DERL1: variants seen among roughly 807,000 people sequenced by gnomAD.
DERL1 encodes derlin-1.
In DERL1, 24 loss-of-function variants were observed where a neutral mutation model predicts 41.6. The ratio of observed to expected loss-of-function variants is 0.58; its 90% confidence interval spans 0.42 to 0.81. The LOEUF (loss-of-function observed/expected upper bound fraction) is 0.81. DERL1 is among the 30% of genes least tolerant of loss of function. DERL1 has a pLI of 0.00. For missense variants in DERL1, 260 were observed against 314.3 expected, an observed-to-expected ratio of 0.83 and a Z score of 1.31; for synonymous variants, 124 against 112.5, an observed-to-expected ratio of 1.10 and a Z score of -0.65.
At chr8:123,033,548 A>C (rs1315164665) in intron 1 of DERL1, among the ~76,000 whole-genome samples, 1 of 152,140 alleles carries the variant, frequency 6.6e-6, no homozygotes, top group African/African-American at 2.4e-5. Context: ...GTTCGAGACC[A>C]GGCTGACCAA....
Position 123,042,264 on chromosome 8 carries a change from C to A in DERL1, c.-142G>T. 1 of 1,154,388 alleles carries A rather than the reference C, an allele frequency of 8.7e-7. No individual in the cohort carries two copies. Among genetic ancestry groups the A allele is most frequent in the Non-Finnish European group, 1.2e-6 (1 of 866,274 alleles). The allele number at this position is 1,154,388 out of a possible 1,614,324, so 71.5% of individuals were successfully genotyped here. A position where few individuals can be genotyped will look rare whatever the true frequency, so the allele number is the denominator to read the frequency against. On this transcript the variant is annotated 5_prime_UTR_variant, in exon 1 of 8. Coordinates refer to ENST00000259512, the MANE Select transcript of DERL1 (RefSeq NM_024295.6). ...GATGCAGAAGGCGGAGACGGGCGGA[C>A]GTGGCGCCACCGAATTCGGACCAGC...
chr8:123,022,590 C>A, intron 5 of DERL1, 94 bp downstream of exon 5: 1 of 1,188,736 alleles, frequency 8.4e-7, no homozygotes, highest in Non-Finnish European at 1.3e-6. Flanking sequence ...TCTGCAGTGA[C>A]CCCTTCTGGA....
intron 2 of DERL1, among the ~76,000 whole-genome samples, chr8:123,026,805 G>A (rs1223603662): frequency 6.6e-6 from 1 of 150,488 alleles, no homozygotes; most frequent in East Asian, 1.9e-4. Flanking sequence ...ATCAACTGAT[G>A]ACTGAATAAA....
At chr8:123,036,657 ACAG>A (rs1261308018) in intron 1 of DERL1, among the ~76,000 whole-genome samples, 11 of 152,356 alleles carry the variant, frequency 7.2e-5, no homozygotes, top group African/African-American at 2.6e-4. Flanking sequence ...ATTACAGAAC[ACAG>A]CAGAACTGTT....
rs1586460943 is a variant in DERL1, at chr8:123,022,626, T to C, written c.453+58A>G. On this transcript the variant is annotated intron_variant, in intron 5 of 7. Transcript: ENST00000259512. ...TGAGTCAGAAAGTACATCTCTGGAC[T>C]GAAGAGGGATTTCTGCAGACAAATG... 3.7e-5 allele frequency: 56 copies of C among 1,529,076 alleles called. 1 individual carries two copies. In the South Asian group the frequency reaches 6.1e-4, roughly 17 times the overall value. The allele number at this position is 1,529,076 out of a possible 1,614,324, so 94.7% of individuals were successfully genotyped here. A position where few individuals can be genotyped will look rare whatever the true frequency, so the allele number is the denominator to read the frequency against.
At chr8:123,023,835 G>A in intron 3 of DERL1, 96 bp from the exon 4 acceptor site, 2 of 1,405,890 alleles carry the variant, frequency 1.4e-6, no homozygotes, top group Non-Finnish European at 9.8e-7. Flanking sequence ...AGTTCACTTG[G>A]CCAGGTGTAA....
chr8:123,014,005 G>A lies in DERL1; in HGVS notation c.*1442C>T, dbSNP rs1021241128. ...GGGGGAAAGAATAGTCATACTGTTA[G>A]AGCACAATGTTTCCTGAAAAGAAAC... On this transcript the variant is annotated 3_prime_UTR_variant, in exon 8 of 8. Transcript: ENST00000259512. The A allele has an allele frequency of 3.3e-5, 5 of 152,180 alleles. No homozygotes were observed. Among genetic ancestry groups the A allele is most frequent in the Admixed American group, 6.5e-5 (1 of 15,280 alleles). The allele number at this position is 152,180 out of a possible 1,614,324, so 9.4% of individuals were successfully genotyped here.
intron 2 of DERL1, among the ~76,000 whole-genome samples, chr8:123,027,117 G>A (rs1332365671): frequency 2.6e-5 from 4 of 151,812 alleles, no homozygotes; most frequent in Non-Finnish European, 5.9e-5. Context: ...CCAACATGGT[G>A]AAAACCTGTC....
intron 1 of DERL1, among the ~76,000 whole-genome samples, chr8:123,041,403 C>T (rs76594789): frequency 0.063 from 9,541 of 152,272 alleles, 459 homozygotes; most frequent in East Asian, 0.2. Context: ...GTACTCTTTG[C>T]CCATTCCTTC....
intron 1 of DERL1, among the ~76,000 whole-genome samples, chr8:123,031,657 T>C (rs532091697): frequency 6.6e-6 from 1 of 152,314 alleles, no homozygotes; most frequent in Non-Finnish European, 1.5e-5. Flanking sequence ...GTGTCTTGTA[T>C]TTCCTCTAAG....
At chr8:123,022,279 T>C (rs1786424745) in intron 5 of DERL1, among the ~76,000 whole-genome samples, 2 of 152,120 alleles carry the variant, frequency 1.3e-5, no homozygotes, top group Admixed American at 6.5e-5. Flanking sequence ...AGGTGGAAAA[T>C]TGTGAAAGAA....
chr8:123,019,442 C>G, intron 6 of DERL1, 137 bp from the exon 7 acceptor site: 1 of 633,338 alleles, frequency 1.6e-6, no homozygotes, highest in Non-Finnish European at 2.8e-6. Context: ...ACAATGAGCA[C>G]TTTTGTAGTC....
At chr8:123,039,296 C>T (rs1812995570) in intron 1 of DERL1, among the ~76,000 whole-genome samples, 1 of 152,176 alleles carries the variant, frequency 6.6e-6, no homozygotes, top group African/African-American at 2.4e-5. Context: ...TCTGTCAGTC[C>T]TTTGTTCACA....
At chr8:123,039,605 A>G (rs1813000560) in intron 1 of DERL1, among the ~76,000 whole-genome samples, 1 of 152,194 alleles carries the variant, frequency 6.6e-6, no homozygotes. Context: ...CTGGCTCCTC[A>G]GTATTCCAAT....
intron 5 of DERL1, 54 bp from the exon 6 acceptor site, chr8:123,021,553 A>C: frequency 6.6e-7 from 1 of 1,514,124 alleles, no homozygotes; most frequent in Non-Finnish European, 9.2e-7. Flanking sequence ...ACGAGGACAC[A>C]GCTACTACGG....
In DERL1 at chr8:123,015,258, G is replaced by T; in HGVS notation, c.*189C>A. On this transcript the variant is annotated 3_prime_UTR_variant, in exon 8 of 8. Coordinates refer to ENST00000259512, the MANE Select transcript of DERL1 (RefSeq NM_024295.6). ...TTGTTCTTCACAGCAGTAAGGACTT[G>T]AATGAGAATCGTGAAACTTGTGGAA... The T allele has an allele frequency of 1.3e-6, 1 of 794,992 alleles. No individual in the cohort carries two copies. The highest frequency in any genetic ancestry group is 1.9e-6 in the Non-Finnish European group (1 of 535,752). The allele number at this position is 794,992 out of a possible 1,614,324, so 49.2% of individuals were successfully genotyped here.
In DERL1 at chr8:123,022,776, G is replaced by A. The variant is rs1812595013; in HGVS notation, c.361C>T (p.Leu121=). The A allele has an allele frequency of 1.2e-6, 2 of 1,613,708 alleles. No individual in the cohort carries two copies. Among genetic ancestry groups the A allele is most frequent in the Non-Finnish European group, 1.7e-6 (2 of 1,179,810 alleles). The change falls in exon 5 of 8, where the codon CTG becomes TTG. Residue 121 remains leucine, a synonymous_variant. Coordinates refer to ENST00000259512, the MANE Select transcript of DERL1 (RefSeq NM_024295.6). ...ITGLAMDMQL[L]MIPLIMSVLY... ...ACTGACATGATCAGAGGAATCATCA[G>A]CAACTGCAAAAGAAGTCGACATGTA...
Position 123,035,857 on chromosome 8 carries a change from T to C in DERL1, c.154-5141A>G, listed in dbSNP as rs182801519. Among the ~76,000 whole-genome samples the C allele has an allele frequency of 7.3e-3, 948 of 130,622 alleles. 4 individuals are homozygous for C. The highest frequency in any genetic ancestry group is 0.013 in the Non-Finnish European group (720 of 56,044). The allele number at this position is 130,622 out of a possible 152,430, so 85.7% of individuals were successfully genotyped here. A position where few individuals can be genotyped will look rare whatever the true frequency, so the allele number is the denominator to read the frequency against. ...ATAATTTGCCATCCAGAATCTAGTG[T>C]TTTTTTTTTTAAAGTATGAAAAGTG... On this transcript the variant is annotated intron_variant, in intron 1 of 7. Coordinates refer to ENST00000259512, the MANE Select transcript of DERL1 (RefSeq NM_024295.6).
chr8:123,032,863 C>CTT (rs200724608), intron 1 of DERL1, among the ~76,000 whole-genome samples: 15 of 122,066 alleles, frequency 1.2e-4, no homozygotes, highest in East Asian at 4.7e-4. Context: ...TTTCTATTTT[C>CTT]TTTTTTTTTT....
Sources: allele counts gnomAD v4.1 joint callset (sites outside exome capture counted in the v4.1 genomes callset), GRCh38; gene constraint gnomAD v4.1.1; transcripts MANE v1.5; gene names NCBI Gene and HGNC (gene_info 2026-07-23, HGNC 2026-07-21).